Variants in SH3RF1 observed in about 807,000 individuals in gnomAD.
SH3RF1 encodes SH3 domain containing ring finger 1, also known as E3 ubiquitin-protein ligase SH3RF1.
Under a neutral mutation model 74.0 loss-of-function variants are expected in SH3RF1, and 32 were observed. The ratio of observed to expected loss-of-function variants is 0.43; its 90% confidence interval spans 0.33 to 0.58. The LOEUF is 0.58. SH3RF1 is among the 20% of genes least tolerant of loss of function. The pLI, the probability that SH3RF1 is intolerant of heterozygous loss-of-function variation, is 0.05. For missense variants in SH3RF1, 954 were observed against 1,130.9 expected (o/e 0.84, Z 2.24); for synonymous variants, 396 against 439.6 (o/e 0.90, Z 1.24).
At position 169,098,743 on chromosome 4, in the gene SH3RF1, T is replaced by C. The variant is rs193287298; in HGVS notation, c.2499-2056A>G. Among the ~76,000 whole-genome samples the C allele has an allele frequency of 5.6e-4, 86 of 152,348 alleles. 1 individual carries two copies. The highest frequency in any genetic ancestry group is 4.9e-3 in the Admixed American group (75 of 15,306). ...AGCGGGAGAAACACTGGCCTAAGGA[T>C]TGACACAGTCTTTAAGGTCAGTTAG... On this transcript the variant is annotated intron_variant, in intron 11 of 11. Coordinates refer to ENST00000284637, the MANE Select transcript of SH3RF1 (RefSeq NM_020870.4).
At chr4:169,172,358 C>T (rs1734344496) in intron 2 of SH3RF1, among the ~76,000 whole-genome samples, 1 of 152,234 alleles carries the variant, frequency 6.6e-6, no homozygotes, top group Non-Finnish European at 1.5e-5. Context: ...TATGCCCGTA[C>T]ATGGATATAC....
At chr4:169,270,417 G>A (rs1731428540) in intron 1 of SH3RF1, among the ~76,000 whole-genome samples, 1 of 152,268 alleles carries the variant, frequency 6.6e-6, no homozygotes, top group Non-Finnish European at 1.5e-5. Context: ...CCTCATCTCC[G>A]CCTCCCTTTA....
chr4:169,221,791 T>C (rs1214815566), intron 2 of SH3RF1, among the ~76,000 whole-genome samples: 1 of 152,200 alleles, frequency 6.6e-6, no homozygotes, highest in African/African-American at 2.4e-5. Flanking sequence ...ACTTACGTAA[T>C]ATCTGAATTC....
At chr4:169,213,192 C>A (rs920109193) in intron 2 of SH3RF1, among the ~76,000 whole-genome samples, 1 of 152,218 alleles carries the variant, frequency 6.6e-6, no homozygotes, top group African/African-American at 2.4e-5. Flanking sequence ...TTCTCACCAG[C>A]ATTTAGTGTT....
chr4:169,204,396 CT>C (rs1335141813), intron 2 of SH3RF1, among the ~76,000 whole-genome samples: 1 of 152,146 alleles, frequency 6.6e-6, no homozygotes, highest in African/African-American at 2.4e-5. Context: ...AATAATGTCT[CT>C]TTCTCCCAAC....
chr4:169,207,165 G>A (rs578228144), intron 2 of SH3RF1, among the ~76,000 whole-genome samples: 25 of 152,084 alleles, frequency 1.6e-4, no homozygotes, highest in African/African-American at 5.8e-4. Context: ...GCTAGGTTGC[G>A]CAGGCTGGTC....
intron 2 of SH3RF1, among the ~76,000 whole-genome samples, chr4:169,268,187 G>A (rs1412018917): frequency 2.0e-5 from 3 of 151,966 alleles, no homozygotes; most frequent in Non-Finnish European, 2.9e-5. Flanking sequence ...AAATCATTTC[G>A]ATGGAAATAC....
At chr4:169,254,574 C>G (rs571120656) in intron 2 of SH3RF1, among the ~76,000 whole-genome samples, 1 of 152,196 alleles carries the variant, frequency 6.6e-6, no homozygotes, top group East Asian at 1.9e-4. Context: ...GTAGTAAAAA[C>G]TAACCACTCG....
At chr4:169,254,223 A>G (rs545995571) in intron 2 of SH3RF1, among the ~76,000 whole-genome samples, 3 of 152,328 alleles carry the variant, frequency 2.0e-5, no homozygotes, top group African/African-American at 7.2e-5. Flanking sequence ...AGTTCCATCA[A>G]GAAGTATTTA....
intron 2 of SH3RF1, among the ~76,000 whole-genome samples, chr4:169,250,210 A>G (rs1412145998): frequency 6.6e-6 from 1 of 152,132 alleles, no homozygotes; most frequent in Non-Finnish European, 1.5e-5. Flanking sequence ...AAGTATGAAC[A>G]CTGAAGTACA....
At chr4:169,232,773 T>C (rs930676699) in intron 2 of SH3RF1, among the ~76,000 whole-genome samples, 3 of 152,178 alleles carry the variant, frequency 2.0e-5, no homozygotes, top group Admixed American at 6.5e-5. Context: ...CTACTAGATA[T>C]GTTTTTACCC....
chr4:169,152,191 A>G (rs1733987211), intron 4 of SH3RF1, among the ~76,000 whole-genome samples: 1 of 152,192 alleles, frequency 6.6e-6, no homozygotes, highest in Non-Finnish European at 1.5e-5. Context: ...TAAATTGAAT[A>G]GAACCCATAA....
intron 2 of SH3RF1, among the ~76,000 whole-genome samples, chr4:169,189,769 G>T (rs1734669372): frequency 6.6e-6 from 1 of 152,072 alleles, no homozygotes; most frequent in Non-Finnish European, 1.5e-5. Flanking sequence ...CTTCATTCAA[G>T]GGTTGTAAGG....
At chr4:169,199,878 T>C (rs982810424) in intron 2 of SH3RF1, among the ~76,000 whole-genome samples, 7 of 152,106 alleles carry the variant, frequency 4.6e-5, no homozygotes, top group Admixed American at 1.3e-4. Context: ...AGTTAAAAAT[T>C]AGATATTATA....
chr4:169,151,199 C>G (rs1733970763), intron 4 of SH3RF1, among the ~76,000 whole-genome samples: 2 of 152,106 alleles, frequency 1.3e-5, no homozygotes, highest in Non-Finnish European at 1.5e-5. Context: ...GGAACCGGCC[C>G]TTGGGAGTTT....
At position 169,131,758 on chromosome 4, in the gene SH3RF1, AGCCATTT is replaced by A. The variant is rs535277268; in HGVS notation, c.1069-1609_1069-1603del. 1.9e-3 allele frequency among the ~76,000 whole-genome samples: 295 copies of A among 152,378 alleles called. 3 individuals are homozygous for A. The highest frequency in any genetic ancestry group is 3.4e-3 in the Middle Eastern group (1 of 294). ...GACTGGTTGCTTTCTGTAACCAATC[AGCCATTT>A]GCATAGGAGTATAACTTTGTAACTT... is the stretch of plus-strand genomic sequence containing the variant. On this transcript the variant is annotated intron_variant, in intron 5 of 11. Transcript: ENST00000284637.
chr4:169,261,299 G>A (rs549483931), intron 2 of SH3RF1, among the ~76,000 whole-genome samples: 1 of 152,184 alleles, frequency 6.6e-6, no homozygotes, highest in Non-Finnish European at 1.5e-5. Context: ...CATTGTAAAG[G>A]AGCTTTATTT....
chr4:169,195,133 G>T (rs113321927), intron 2 of SH3RF1, among the ~76,000 whole-genome samples: 20 of 152,164 alleles, frequency 1.3e-4, no homozygotes, highest in African/African-American at 3.9e-4. Context: ...TTTCCAGTTT[G>T]GCTGAAAATG....
chr4:169,215,566 C>A (rs1018614801), intron 2 of SH3RF1, among the ~76,000 whole-genome samples: 1 of 152,066 alleles, frequency 6.6e-6, no homozygotes, highest in Admixed American at 6.5e-5. Context: ...CACATCTGGG[C>A]CTGGGGATTT....
Sources: gnomAD v4.1 joint callset for allele counts (sites outside exome capture counted in the v4.1 genomes callset) on GRCh38, gnomAD v4.1.1 for gene constraint, MANE v1.5 for transcripts, NCBI Gene and HGNC (gene_info 2026-07-23, HGNC 2026-07-21) for gene names.